PABPC4L: variants seen among roughly 807,000 people sequenced by gnomAD.
PABPC4L encodes polyadenylate-binding protein 4-like.
For missense variants in PABPC4L, 452 were observed against 451.4 expected, an observed-to-expected ratio of 1.00 and a Z score of -0.01; for synonymous variants, 169 against 164.1, an observed-to-expected ratio of 1.03 and a Z score of -0.23.
the PABPC4L span, among the ~76,000 whole-genome samples, chr4:134,066,628 G>C: frequency 2.0e-5 from 3 of 152,152 alleles, no homozygotes; most frequent in African/African-American, 7.2e-5. Flanking sequence ...AGTTTTAAAG[G>C]GGAATGCTTC....
At chr4:134,115,207 T>A in the PABPC4L span, among the ~76,000 whole-genome samples, 2 of 151,914 alleles carry the variant, frequency 1.3e-5, no homozygotes, top group East Asian at 3.9e-4. Context: ...ATGTATTTAT[T>A]CATTGTTTAC....
chr4:133,965,269 G>A, the PABPC4L span, among the ~76,000 whole-genome samples: 1 of 151,996 alleles, frequency 6.6e-6, no homozygotes, highest in African/African-American at 2.4e-5. Flanking sequence ...CCAAGGAGGT[G>A]AAAGACCTCT....
At chr4:134,176,658 G>A in the PABPC4L span, among the ~76,000 whole-genome samples, 8 of 151,988 alleles carry the variant, frequency 5.3e-5, no homozygotes, top group Non-Finnish European at 1.2e-4. Flanking sequence ...AAACCACGTC[G>A]GGATCCATCA....
chr4:134,026,248 T>A, the PABPC4L span, among the ~76,000 whole-genome samples: 1 of 152,120 alleles, frequency 6.6e-6, no homozygotes, highest in African/African-American at 2.4e-5. Flanking sequence ...GCGATTTTTT[T>A]TTTTTTTAGA....
At chr4:134,152,358 T>A in the PABPC4L span, among the ~76,000 whole-genome samples, 6 of 152,240 alleles carry the variant, frequency 3.9e-5, no homozygotes, top group South Asian at 1.0e-3. Context: ...TCATGTAAGA[T>A]CTTGGAGATT....
the PABPC4L span, among the ~76,000 whole-genome samples, chr4:134,189,185 T>A: frequency 2.0e-5 from 3 of 152,262 alleles, no homozygotes; most frequent in East Asian, 5.8e-4. Flanking sequence ...ATTGTCCATC[T>A]ATTCTTGCAT....
chr4:133,980,463 G>A, the PABPC4L span, among the ~76,000 whole-genome samples: 60 of 152,176 alleles, frequency 3.9e-4, 1 homozygote, highest in East Asian at 7.7e-3. Context: ...TGTTTGTTTA[G>A]TATAAGCTTG....
the PABPC4L span, among the ~76,000 whole-genome samples, chr4:133,985,272 T>C: frequency 2.0e-5 from 3 of 151,856 alleles, no homozygotes; most frequent in African/African-American, 7.2e-5. Flanking sequence ...AACACCAGGT[T>C]TGAAATATAA....
the PABPC4L span, among the ~76,000 whole-genome samples, chr4:134,146,960 G>A: frequency 6.6e-6 from 1 of 152,070 alleles, no homozygotes; most frequent in Non-Finnish European, 1.5e-5. Flanking sequence ...TGGGGTCCCA[G>A]TCTTGTCTAC....
the PABPC4L span, among the ~76,000 whole-genome samples, chr4:134,091,511 G>A: frequency 6.6e-6 from 1 of 151,792 alleles, no homozygotes; most frequent in African/African-American, 2.4e-5. Flanking sequence ...TCTATTTCCA[G>A]TATAATAGTA....
At chr4:134,185,697 C>G in the PABPC4L span, among the ~76,000 whole-genome samples, 1 of 151,994 alleles carries the variant, frequency 6.6e-6, no homozygotes, top group Non-Finnish European at 1.5e-5. Flanking sequence ...GGCAATCAGG[C>G]AAGATAAATA....
the PABPC4L span, among the ~76,000 whole-genome samples, chr4:134,067,505 GT>G: frequency 6.6e-6 from 1 of 151,754 alleles, no homozygotes; most frequent in African/African-American, 2.4e-5. Context: ...TTTTTATATG[GT>G]TTTCCACAAC....
At chr4:134,096,529 A>G in the PABPC4L span, among the ~76,000 whole-genome samples, 1 of 151,974 alleles carries the variant, frequency 6.6e-6, no homozygotes, top group Non-Finnish European at 1.5e-5. Context: ...ATTTTCAGAT[A>G]ATAAACTTCA....
chr4:134,054,265 T>C, the PABPC4L span, among the ~76,000 whole-genome samples: 1 of 134,172 alleles, frequency 7.5e-6, no homozygotes. Context: ...TATATATATA[T>C]ATATATATAT....
the PABPC4L span, among the ~76,000 whole-genome samples, chr4:134,187,217 C>T: frequency 6.6e-6 from 1 of 152,020 alleles, no homozygotes; most frequent in Non-Finnish European, 1.5e-5. Context: ...GATTATAAAT[C>T]CTGCTGCTAT....
the PABPC4L span, among the ~76,000 whole-genome samples, chr4:134,104,380 G>A: frequency 6.6e-6 from 1 of 151,760 alleles, no homozygotes; most frequent in African/African-American, 2.4e-5. Context: ...GAGCAGCAAA[G>A]TTGGTGTAAT....
chr4:134,150,736 A>G, the PABPC4L span, among the ~76,000 whole-genome samples: 1 of 152,122 alleles, frequency 6.6e-6, no homozygotes, highest in Non-Finnish European at 1.5e-5. Flanking sequence ...TCTTCAACTC[A>G]TGGGATTTGT....
chr4:134,060,752 A>G, the PABPC4L span, among the ~76,000 whole-genome samples: 1 of 152,014 alleles, frequency 6.6e-6, no homozygotes, highest in Non-Finnish European at 1.5e-5. Context: ...AAGAAGAATG[A>G]GATCCTGTCA....
chr4:134,069,917 C>T, the PABPC4L span, among the ~76,000 whole-genome samples: 3 of 148,210 alleles, frequency 2.0e-5, no homozygotes, highest in Non-Finnish European at 3.0e-5. Flanking sequence ...GGCCAGAGTT[C>T]TAGCATTAGT....
Sources: gnomAD v4.1 joint callset for allele counts (sites outside exome capture counted in the v4.1 genomes callset) on GRCh38, gnomAD v4.1.1 for gene constraint, MANE v1.5 for transcripts, NCBI Gene and HGNC (gene_info 2026-07-23, HGNC 2026-07-21) for gene names.